Variants in STIM1 observed in about 807,000 individuals in gnomAD.
STIM1 encodes stromal interaction molecule 1.
In STIM1, 25 loss-of-function variants were observed where a neutral mutation model predicts 74.7. The observed-to-expected ratio is 0.33, with a 90% CI of 0.24 to 0.47. The LOEUF (loss-of-function observed/expected upper bound fraction) is 0.47. Among genes scored for constraint, STIM1 ranks in the 20% least tolerant of loss-of-function variants. The probability of loss-of-function intolerance (pLI) is 1.00; values close to 1 mark genes in which losing one functional copy is unlikely to be tolerated. For synonymous variants in STIM1, 328 were observed against 348.8 expected, an observed-to-expected ratio of 0.94 and a Z score of 0.66; for missense variants, 728 against 920.8, an observed-to-expected ratio of 0.79 and a Z score of 2.71.
intron 5 of STIM1, 23 bp from the exon 6 acceptor site, chr11:4,070,003 T>A: frequency 6.2e-7 from 1 of 1,613,504 alleles, no homozygotes; most frequent in South Asian, 1.1e-5. Context: ...CCCTAACTCA[T>A]CATGCCCTCC....
At position 3,927,622 on chromosome 11, in the gene STIM1, G is replaced by A. The variant is rs144601322; in HGVS notation, c.140-39930G>A. Among the ~76,000 whole-genome samples the A allele has an allele frequency of 7.9e-5, 12 of 152,322 alleles. 1 individual carries two copies. In the South Asian group the frequency reaches 8.3e-4, roughly 11 times the overall value. On this transcript the variant is annotated intron_variant, in intron 1 of 12. Coordinates refer to ENST00000526596, the MANE Select transcript of STIM1 (RefSeq NM_001382567.1). ...ATGCAAAGAAGCAGGGTGCAGTGAT[G>A]GTGGTGCAGGTAGCAAATTGAGTTC...
At chr11:3,980,348 C>T (rs2093490044) in intron 2 of STIM1, among the ~76,000 whole-genome samples, 1 of 152,170 alleles carries the variant, frequency 6.6e-6, no homozygotes, top group South Asian at 2.1e-4. Context: ...GGCTTTAGCT[C>T]ATGCTGCTAG....
At chr11:3,980,328 C>G (rs545291490) in intron 2 of STIM1, among the ~76,000 whole-genome samples, 1 of 152,252 alleles carries the variant, frequency 6.6e-6, no homozygotes, top group East Asian at 1.9e-4. Flanking sequence ...ATTCAATGCT[C>G]CCACCATTTG....
chr11:3,948,613 G>A (rs570252714), intron 1 of STIM1, among the ~76,000 whole-genome samples: 2 of 152,310 alleles, frequency 1.3e-5, no homozygotes, highest in African/African-American at 4.8e-5. Flanking sequence ...CAGTTTAGAA[G>A]ACATGTATAA....
intron 2 of STIM1, among the ~76,000 whole-genome samples, chr11:4,009,406 A>G (rs2093814349): frequency 1.3e-5 from 2 of 152,214 alleles, no homozygotes; most frequent in South Asian, 4.1e-4. Flanking sequence ...TGAGATCAGG[A>G]GTTCGAGACT....
At chr11:3,924,268 G>A (rs1333294753) in intron 1 of STIM1, among the ~76,000 whole-genome samples, 3 of 146,774 alleles carry the variant, frequency 2.0e-5, no homozygotes, top group South Asian at 4.2e-4. Context: ...GCGCAATCTC[G>A]GCTCACTGCA....
intron 3 of STIM1, among the ~76,000 whole-genome samples, chr11:4,036,126 G>A (rs189861097): frequency 7.2e-5 from 11 of 152,234 alleles, no homozygotes; most frequent in East Asian, 1.9e-4. Flanking sequence ...CCATTCTTGC[G>A]TGAATTTGCT....
intron 1 of STIM1, among the ~76,000 whole-genome samples, chr11:3,964,907 TA>T (rs537466982): frequency 9.9e-4 from 151 of 152,244 alleles, no homozygotes; most frequent in African/African-American, 3.5e-3. Flanking sequence ...TAAATTTTTG[TA>T]AAGACAGGGT....
At chr11:4,075,741 T>C (rs1297033370) in intron 7 of STIM1, among the ~76,000 whole-genome samples, 1 of 152,226 alleles carries the variant, frequency 6.6e-6, no homozygotes, top group South Asian at 2.1e-4. Context: ...GTTGGACATA[T>C]AATATTCATG....
intron 3 of STIM1, among the ~76,000 whole-genome samples, chr11:4,034,074 C>CAAATA (rs1239933617): frequency 6.6e-6 from 1 of 151,424 alleles, no homozygotes; most frequent in East Asian, 2.0e-4. Flanking sequence ...ACTAAAAATA[C>CAAATA]AAAAATTAGC....
intron 1 of STIM1, chr11:3,892,687 G>C: frequency 6.2e-7 from 1 of 1,612,656 alleles, no homozygotes; most frequent in Non-Finnish European, 8.5e-7. Context: ...TATGGTGTGT[G>C]AAGTCACCAC....
At chr11:4,090,601 A>G (rs1185457748) in intron 12 of STIM1, among the ~76,000 whole-genome samples, 1 of 152,236 alleles carries the variant, frequency 6.6e-6, no homozygotes, top group Non-Finnish European at 1.5e-5. Flanking sequence ...CACTGACTGC[A>G]TGTGCCCTGT....
At chr11:3,862,803 T>C (rs1565093512) in intron 1 of STIM1, among the ~76,000 whole-genome samples, 1 of 151,700 alleles carries the variant, frequency 6.6e-6, no homozygotes, top group African/African-American at 2.4e-5. Context: ...GGTCTGGGGG[T>C]AAAAAAAGTA....
At chr11:3,914,502 C>T (rs763449597) in intron 1 of STIM1, among the ~76,000 whole-genome samples, 6 of 152,102 alleles carry the variant, frequency 3.9e-5, no homozygotes, top group Non-Finnish European at 5.9e-5. Flanking sequence ...AGTACAGTGG[C>T]GCAGTCTCAG....
intron 1 of STIM1, among the ~76,000 whole-genome samples, chr11:3,896,169 G>T (rs2092165038): frequency 6.6e-6 from 1 of 152,046 alleles, no homozygotes; most frequent in Non-Finnish European, 1.5e-5. Context: ...CTTCCAAAGT[G>T]CTGGGATTAC....
chr11:4,080,285 G>A (rs776517086), intron 7 of STIM1, among the ~76,000 whole-genome samples: 1 of 152,040 alleles, frequency 6.6e-6, no homozygotes, highest in African/African-American at 2.4e-5. Context: ...TGTGTTTACA[G>A]TATGTGACAA....
intron 12 of STIM1, among the ~76,000 whole-genome samples, chr11:4,087,028 A>C (rs543379011): frequency 6.6e-6 from 1 of 152,206 alleles, no homozygotes; most frequent in African/African-American, 2.4e-5. Flanking sequence ...AGGTCAGCCT[A>C]CTTTCTCCCC....
At chr11:4,029,991 T>G (rs1046281971) in intron 3 of STIM1, among the ~76,000 whole-genome samples, 16 of 152,228 alleles carry the variant, frequency 1.1e-4, no homozygotes, top group African/African-American at 3.4e-4. Context: ...ATTGATGACA[T>G]TAATTGAGGA....
chr11:3,901,718 G>A (rs2092352906), intron 1 of STIM1, among the ~76,000 whole-genome samples: 1 of 152,220 alleles, frequency 6.6e-6, no homozygotes, highest in African/African-American at 2.4e-5. Flanking sequence ...AGTGGTAGGA[G>A]ATTTAGCTAA....
Sources: allele counts gnomAD v4.1 joint callset (sites outside exome capture counted in the v4.1 genomes callset), GRCh38; gene constraint gnomAD v4.1.1; transcripts MANE v1.5; gene names NCBI Gene and HGNC (gene_info 2026-07-23, HGNC 2026-07-21).